Variants in PTGFRN observed in about 807,000 individuals in gnomAD.
PTGFRN encodes the protein prostaglandin F2 receptor inhibitor.
In PTGFRN, 35 loss-of-function variants were observed where a neutral mutation model predicts 83.2. That is an observed-to-expected ratio of 0.42 (90% confidence interval 0.32 to 0.56). PTGFRN has a LOEUF of 0.56. Ranked by LOEUF, PTGFRN falls within the 20% of genes least tolerant of loss-of-function variation. The probability of loss-of-function intolerance (pLI) is 0.11; values close to 1 mark genes in which losing one functional copy is unlikely to be tolerated. For synonymous variants in PTGFRN, 519 were observed against 498.6 expected (o/e 1.04, Z -0.55); for missense variants, 1,051 against 1,179.5 (o/e 0.89, Z 1.60).
rs765411854 is a variant in PTGFRN at position 116,944,820 on chromosome 1, T to C, written c.560T>C (p.Val187Ala). Residue 187 changes from valine (V) to alanine (A), a missense_variant, in exon 3 of 9, where the codon GTG becomes GCG. Physicochemically the swap from Val to Ala is moderately conservative, Grantham distance 64 (BLOSUM62 0). This residue lies in a region of PTGFRN where 205 missense variants were observed against 174.5 expected (regional missense o/e 1.17). Coordinates refer to ENST00000393203, the MANE Select transcript of PTGFRN (RefSeq NM_020440.4). ...LHTHLALLWEVHRGPARRSVL... is the reference protein window; with the variant it reads ...LHTHLALLWEAHRGPARRSVL... The stretch of plus-strand genomic sequence containing the variant: ...ACGCACCTGGCGCTGCTGTGGGAGG[T>C]GCACCGCGGCCCGGCCAGGCGGAGC... The C allele has an allele frequency of 1.3e-6, 2 of 1,574,468 alleles. No individual in the cohort carries two copies. The highest frequency in any genetic ancestry group is 1.7e-6 in the Non-Finnish European group (2 of 1,163,748).
intron 6 of PTGFRN, among the ~76,000 whole-genome samples, chr1:116,967,978 T>A (rs1375990537): frequency 6.6e-6 from 1 of 152,194 alleles, no homozygotes; most frequent in East Asian, 1.9e-4. Flanking sequence ...TCAAATACTT[T>A]AGGGAACATA....
intron 1 of PTGFRN, among the ~76,000 whole-genome samples, chr1:116,940,329 G>A (rs1476477728): frequency 6.6e-6 from 1 of 152,164 alleles, no homozygotes; most frequent in Non-Finnish European, 1.5e-5. Context: ...TCCTTGGCTT[G>A]TAGACATATC....
intron 8 of PTGFRN, among the ~76,000 whole-genome samples, chr1:116,986,164 G>A (rs1651475071): frequency 6.9e-6 from 1 of 144,502 alleles, no homozygotes; most frequent in East Asian, 2.1e-4. Flanking sequence ...ACCTAGCCCA[G>A]TGGCAGCGTC....
chr1:116,981,315 ACT>A (rs1304681522), intron 7 of PTGFRN, among the ~76,000 whole-genome samples: 1 of 151,762 alleles, frequency 6.6e-6, no homozygotes, highest in Non-Finnish European at 1.5e-5. Flanking sequence ...TGACCTCGAC[ACT>A]CTGTAGTACC....
chr1:116,974,378 A>G (rs1172410753), intron 7 of PTGFRN, 55 bp downstream of exon 7: 1 of 1,336,938 alleles, frequency 7.5e-7, no homozygotes, highest in Non-Finnish European at 1.1e-6. Context: ...AATGTTTCTC[A>G]TATCATCCGC....
intron 6 of PTGFRN, among the ~76,000 whole-genome samples, chr1:116,973,846 C>T (rs1557748257): frequency 6.6e-6 from 1 of 152,282 alleles, no homozygotes; most frequent in East Asian, 1.9e-4. Context: ...GTCCCTGTTC[C>T]TCTGATCCCT....
At chr1:116,975,891 G>C (rs1430647463) in intron 7 of PTGFRN, among the ~76,000 whole-genome samples, 10 of 152,226 alleles carry the variant, frequency 6.6e-5, no homozygotes, top group Admixed American at 5.9e-4. Context: ...TTGACAAGTT[G>C]AGAGAAGAAG....
At chr1:116,939,971 G>A (rs1202591083) in intron 1 of PTGFRN, among the ~76,000 whole-genome samples, 1 of 152,122 alleles carries the variant, frequency 6.6e-6, no homozygotes, top group African/African-American at 2.4e-5. Flanking sequence ...ATCTCCATCT[G>A]CAACCACCTC....
At chr1:116,919,031 G>A (rs952379208) in intron 1 of PTGFRN, among the ~76,000 whole-genome samples, 6 of 152,310 alleles carry the variant, frequency 3.9e-5, no homozygotes, top group Middle Eastern at 3.4e-3. Context: ...AGGAAAGTAG[G>A]AGGTGAGGAT....
chr1:116,934,958 T>C (rs1649885648), intron 1 of PTGFRN, among the ~76,000 whole-genome samples: 1 of 152,240 alleles, frequency 6.6e-6, no homozygotes, highest in Non-Finnish European at 1.5e-5. Flanking sequence ...GGATTGTAAC[T>C]GAGAATCTGA....
rs77292583 is a variant in PTGFRN at position 116,910,247 on chromosome 1, C to G, written c.44C>G (p.Ser15Trp). ...ASRPLLLALL[S>W]LALCRGRVVR... ...AGGCCGCTGCTGCTGGCGCTCCTGT[C>G]GTTGGGTGAGTGTGCGCGGGGCTCA... Residue 15 changes from serine to tryptophan, a missense_variant, in exon 1 of 9, where the codon TCG (serine) becomes TGG (tryptophan). By Grantham distance (177) the Ser-to-Trp change is radical. Around this residue, in one of 3 missense-constraint regions of PTGFRN, gnomAD observed 127 missense variants for 168.4 expected, o/e 0.75. Coordinates refer to ENST00000393203, the MANE Select transcript of PTGFRN (RefSeq NM_020440.4). 4.9e-3 allele frequency: 7,107 copies of G among 1,448,430 alleles called. 323 individuals are homozygous for G. The African/African-American group carries it at 0.092, about 19-fold the overall frequency. 89.7% of individuals were successfully genotyped at this position (1,448,430 alleles called of 1,614,324 possible). A position where few individuals can be genotyped will look rare whatever the true frequency, so the allele number is the denominator to read the frequency against.
At chr1:116,910,360 C>A in intron 1 of PTGFRN, 108 bp downstream of exon 1, 2 of 1,044,868 alleles carry the variant, frequency 1.9e-6, no homozygotes, top group Non-Finnish European at 2.4e-6. Flanking sequence ...GGTGCCCGGG[C>A]TGCTCCCGGG....
intron 3 of PTGFRN, 118 bp from the exon 4 acceptor site, chr1:116,949,073 AG>A: frequency 7.9e-7 from 1 of 1,262,908 alleles, no homozygotes; most frequent in African/African-American, 1.5e-5. Context: ...AACTGTACAA[AG>A]CCTTCTAACT....
At chr1:116,965,889 T>C (rs1171368716) in intron 5 of PTGFRN, among the ~76,000 whole-genome samples, 1 of 152,226 alleles carries the variant, frequency 6.6e-6, no homozygotes, top group Non-Finnish European at 1.5e-5. Flanking sequence ...GATGAATGAA[T>C]GACCGAACTC....
At chr1:116,935,979 T>A (rs893158398) in intron 1 of PTGFRN, among the ~76,000 whole-genome samples, 2 of 152,228 alleles carry the variant, frequency 1.3e-5, no homozygotes, top group Admixed American at 1.3e-4. Context: ...TGTTACTTAG[T>A]AGCGGCATTT....
chr1:116,941,955 C>T lies in PTGFRN; in HGVS notation c.290C>T (p.Thr97Ile), dbSNP rs1650074601. The change falls in exon 2 of 9, where the codon ACT (threonine) becomes ATT (isoleucine). Residue 97 changes from threonine to isoleucine, a missense_variant. Transcript: ENST00000393203. This position sits in a 1 kb window ranked among gnomAD's most constrained non-coding sequence, Gnocchi z 5.0. ...AGGGGCGAGATCCTGTTAAGGCGGA[C>T]TGCCAACGACGCCGTGGAGCTCCAC... The part of the protein sequence containing the change: ...LQRGEILLRR[T>I]ANDAVELHIK... 6 of 1,614,224 alleles carry T rather than the reference C, an allele frequency of 3.7e-6. No individual in the cohort carries two copies. The highest frequency in any genetic ancestry group is 5.1e-6 in the Non-Finnish European group (6 of 1,180,044).
intron 1 of PTGFRN, among the ~76,000 whole-genome samples, chr1:116,912,431 A>G (rs73012712): frequency 0.013 from 1,935 of 152,298 alleles, 55 homozygotes; most frequent in African/African-American, 0.044. Context: ...AAACAAGATC[A>G]TCTTTCCTCC....
At chr1:116,970,930 G>A (rs1650977718) in intron 6 of PTGFRN, among the ~76,000 whole-genome samples, 1 of 152,170 alleles carries the variant, frequency 6.6e-6, no homozygotes, top group South Asian at 2.1e-4. Context: ...CTGATTCAAA[G>A]TGTCAAGAGG....
At chr1:116,925,041 C>T (rs1439407973) in intron 1 of PTGFRN, among the ~76,000 whole-genome samples, 1 of 152,130 alleles carries the variant, frequency 6.6e-6, no homozygotes, top group African/African-American at 2.4e-5. Context: ...AAGCTGGACT[C>T]ATTTGAACTC....
Sources: gnomAD v4.1 joint callset for allele counts (sites outside exome capture counted in the v4.1 genomes callset) on GRCh38, gnomAD v4.1.1 for gene constraint, gnomAD v4.1.1 regional missense constraint, Gnocchi (gnomAD v3.1) non-coding constraint, MANE v1.5 for transcripts, NCBI Gene and HGNC (gene_info 2026-07-23, HGNC 2026-07-21) for gene names.